The following NET1 variants were observed in gnomAD, a reference collection of about 807,000 sequenced individuals.
NET1 encodes neuroepithelial cell transforming 1.
Under a neutral mutation model 61.1 loss-of-function variants are expected in NET1, and 42 were observed. The observed-to-expected ratio is 0.69, with a 90% CI of 0.54 to 0.89. The LOEUF is 0.89. Among genes scored for constraint, NET1 ranks in the 40% least tolerant of loss-of-function variants. NET1 has a pLI of 0.00. For missense variants in NET1, 654 were observed against 747.3 expected (o/e 0.88, Z 1.46); for synonymous variants, 254 against 281.8 (o/e 0.90, Z 0.99).
chr10:5,451,759 A>T lies in NET1; in HGVS notation c.256-71A>T, dbSNP rs1009283618. On this transcript the variant is annotated intron_variant, in intron 3 of 11. Coordinates refer to ENST00000355029, the MANE Select transcript of NET1 (RefSeq NM_001047160.3). The surrounding 1 kb of genome is among the most constrained non-coding windows in gnomAD (Gnocchi z 6.1). The stretch of plus-strand genomic sequence containing the variant: ...AAAAATTGTTTTGTGAGAGGGCTTT[A>T]CTTTGTCCAAGTTTGTATGAAATCA... 6 of 1,223,432 alleles carry T rather than the reference A, an allele frequency of 4.9e-6. No individual in the cohort carries two copies. The Admixed American group carries it at 6.0e-5, about 12-fold the overall frequency. The allele number at this position is 1,223,432 out of a possible 1,614,324, so 75.8% of individuals were successfully genotyped here. A position where few individuals can be genotyped will look rare whatever the true frequency, so the allele number is the denominator to read the frequency against.
intron 3 of NET1, among the ~76,000 whole-genome samples, chr10:5,434,746 A>C (rs1323131607): frequency 6.8e-6 from 1 of 147,036 alleles, no homozygotes. Context: ...TTTTTCTTTA[A>C]AAGTAAAGAC....
intron 2 of NET1, among the ~76,000 whole-genome samples, chr10:5,428,038 C>CTTTTTTTTTTTTTTT (rs57698527): frequency 8.8e-6 from 1 of 113,904 alleles, no homozygotes; most frequent in African/African-American, 3.4e-5. Flanking sequence ...TTTGCCGTTC[C>CTTTTTTTTTTTTTTT]TTTTTTTTTT....
rs1251439711 is a variant in NET1 at position 5,446,636 on chromosome 10, GGCATGGGCACGTGGCT to G, written c.256-5191_256-5176del. ...AAGCCTCTGCTCCACCGCGGCGAGA[GGCATGGGCACGTGGCT>G]GCCGAGGGTGGCCGAGCTCTGGGAA... On this transcript the variant is annotated intron_variant, in intron 3 of 11. Transcript: ENST00000355029. The surrounding 1 kb of genome is among the most constrained non-coding windows in gnomAD (Gnocchi z 5.0). The G allele has an allele frequency of 7.0e-6, 9 of 1,290,542 alleles. No individual in the cohort carries two copies. The highest frequency in any genetic ancestry group is 3.0e-5 in the African/African-American group (2 of 66,404). 79.9% of individuals were successfully genotyped at this position (1,290,542 alleles called of 1,614,324 possible).
rs1832643426 is a variant in NET1 at position 5,447,945 on chromosome 10, T to C, written c.256-3885T>C. Among the ~76,000 whole-genome samples the C allele has an allele frequency of 6.6e-6, 1 of 152,252 alleles. No individual in the cohort carries two copies. Among genetic ancestry groups the C allele is most frequent in the African/African-American group, 2.4e-5 (1 of 41,468 alleles). ...ATCAGCATGGGCTGTGTTTCTGCCTTACCTTTATTTCTAAGTTACAAGCAC... is the reference window on the plus strand; with the variant it reads ...ATCAGCATGGGCTGTGTTTCTGCCTCACCTTTATTTCTAAGTTACAAGCAC... On this transcript the variant is annotated intron_variant, in intron 3 of 11. Transcript: ENST00000355029. This position sits in a 1 kb window ranked among gnomAD's most constrained non-coding sequence, Gnocchi z 4.1.
chr10:5,447,383 C>G lies in NET1; in HGVS notation c.256-4447C>G, dbSNP rs145158985. Among the ~76,000 whole-genome samples, 22 of 152,284 alleles carry G rather than the reference C, an allele frequency of 1.4e-4. 1 individual carries two copies. In the East Asian group the frequency reaches 3.5e-3, roughly 24 times the overall value. On this transcript the variant is annotated intron_variant, in intron 3 of 11. Coordinates refer to ENST00000355029, the MANE Select transcript of NET1 (RefSeq NM_001047160.3). The surrounding 1 kb of genome is among the most constrained non-coding windows in gnomAD (Gnocchi z 4.1). ...AAACCAGTGACTCATTATTTTTACC[C>G]TCCTTGCTTTGTCTGAGTCTTTTTT... is the stretch of plus-strand genomic sequence containing the variant.
At chr10:5,433,427 G>T (rs920875891) in intron 3 of NET1, among the ~76,000 whole-genome samples, 1 of 152,180 alleles carries the variant, frequency 6.6e-6, no homozygotes, top group Non-Finnish European at 1.5e-5. Flanking sequence ...AAAGCCAAAA[G>T]TATTGACTCT....
Position 5,454,606 on chromosome 10 carries a change from T to TG in NET1, c.1026+84_1026+85insG. On this transcript the variant is annotated intron_variant, in intron 9 of 11. Coordinates refer to ENST00000355029, the MANE Select transcript of NET1 (RefSeq NM_001047160.3). The surrounding 1 kb of genome is among the most constrained non-coding windows in gnomAD (Gnocchi z 8.1). ...GAACGTTATCTTCTGAAGATGCTGATTCACATCAGCATAGTGAATTGTTTT... is the reference window on the plus strand; with the variant it reads ...GAACGTTATCTTCTGAAGATGCTGATGTCACATCAGCATAGTGAATTGTTTT... 16 of 1,461,518 alleles carry TG rather than the reference T, an allele frequency of 1.1e-5. No individual in the cohort carries two copies. Among genetic ancestry groups the TG allele is most frequent in the African/African-American group, 1.4e-5 (1 of 70,800 alleles). 90.5% of individuals were successfully genotyped at this position (1,461,518 alleles called of 1,614,324 possible).
Position 5,421,532 on chromosome 10 carries a change from CA to C in NET1, c.129-5121del, listed in dbSNP as rs1266139571. ...GGTATAGCCTTAAATCAATTCTTGACAACCCAGGATCTTTATTATTAGTAGT... is the reference window on the plus strand; with the variant it reads ...GGTATAGCCTTAAATCAATTCTTGACACCCAGGATCTTTATTATTAGTAGT... On this transcript the variant is annotated intron_variant, in intron 1 of 11. Transcript: ENST00000355029. This position sits in a 1 kb window ranked among gnomAD's most constrained non-coding sequence, Gnocchi z 4.2. Among the ~76,000 whole-genome samples the C allele has an allele frequency of 6.6e-6, 1 of 152,182 alleles. No homozygotes were observed. Among genetic ancestry groups the C allele is most frequent in the Non-Finnish European group, 1.5e-5 (1 of 68,028 alleles).
chr10:5,413,052 G>T (rs1396395518), intron 1 of NET1, among the ~76,000 whole-genome samples: 1 of 149,508 alleles, frequency 6.7e-6, no homozygotes, highest in East Asian at 2.0e-4. Flanking sequence ...GGGGGACGGG[G>T]GCCGCTGGAA....
At position 5,452,376 on chromosome 10, in the gene NET1, G is replaced by C. The variant is rs756832701; in HGVS notation, c.382G>C (p.Asp128His). The C allele has an allele frequency of 2.5e-6, 4 of 1,609,038 alleles. No homozygotes were observed. The highest frequency in any genetic ancestry group is 3.4e-6 in the Non-Finnish European group (4 of 1,177,400). ...QTIQSFTLRG[D>H]HRSPASAQKF... Reference sequence around the variant, plus strand: ...TTTTAAGTCATTTACCCTTCGTGGTGACCACAGATCCCCAGCCTCTGCCCA... The same window carrying C: ...TTTTAAGTCATTTACCCTTCGTGGTCACCACAGATCCCCAGCCTCTGCCCA... Residue 128 changes from aspartate to histidine, a missense_variant, in exon 5 of 12, where the codon GAC becomes CAC. By Grantham distance (81) the Asp-to-His change is moderately conservative. Coordinates refer to ENST00000355029, the MANE Select transcript of NET1 (RefSeq NM_001047160.3). This position sits in a 1 kb window ranked among gnomAD's most constrained non-coding sequence, Gnocchi z 4.0.
chr10:5,412,819 A>G lies in NET1; in HGVS notation c.127A>G (p.Arg43Gly), dbSNP rs769935178. The change falls in exon 1 of 12, where the codon AGA (arginine) becomes GGA (glycine). Residue 43 changes from arginine (R) to glycine (G), a missense_variant and splice_region_variant. Arg to Gly is a moderately radical substitution (Grantham distance 125). Transcript: ENST00000355029. The surrounding 1 kb of genome is among the most constrained non-coding windows in gnomAD (Gnocchi z 6.5). ...CACCTCCGGGTCGGAGCTGGACGGG[A>G]GGTGAGTGTGGGGGAGGGGAGGGCC... is the stretch of plus-strand genomic sequence containing the variant. ...ADTSGSELDG[R>G]CSLRRGSSFT... 1.6e-6 allele frequency: 2 copies of G among 1,260,866 alleles called. No homozygotes were observed. The highest frequency in any genetic ancestry group is 1.8e-5 in the African/African-American group (1 of 55,902). The allele number at this position is 1,260,866 out of a possible 1,614,324, so 78.1% of individuals were successfully genotyped here. A position where few individuals can be genotyped will look rare whatever the true frequency, so the allele number is the denominator to read the frequency against.
At chr10:5,419,409 A>G (rs1437586910) in intron 1 of NET1, among the ~76,000 whole-genome samples, 1 of 151,768 alleles carries the variant, frequency 6.6e-6, no homozygotes, top group East Asian at 1.9e-4. Flanking sequence ...ATTTAACGTT[A>G]TTTATTGATA....
At position 5,456,180 on chromosome 10, in the gene NET1, A is replaced by G. The variant is rs540059620; in HGVS notation, c.1291A>G (p.Ile431Val). 10 of 1,614,214 alleles carry G rather than the reference A, an allele frequency of 6.2e-6. No homozygotes were observed. The African/African-American group carries it at 6.7e-5, about 11-fold the overall frequency. The part of the protein sequence containing the change: ...RHSYQVYRQP[I>V]PVQELVLEDL... ...CTCTTACCAGGTTTACCGGCAGCCA[A>G]TCCCAGTCCAAGAGCTAGTCCTAGA... The change falls in exon 11 of 12, where the codon ATC becomes GTC. Residue 431 changes from isoleucine (I) to valine (V), a missense_variant. Ile to Val is a conservative substitution (Grantham distance 29, BLOSUM62 3). Coordinates refer to ENST00000355029, the MANE Select transcript of NET1 (RefSeq NM_001047160.3). The surrounding 1 kb of genome is among the most constrained non-coding windows in gnomAD (Gnocchi z 7.0).
At chr10:5,436,249 T>TATATATATATA (rs1491369503) in intron 3 of NET1, among the ~76,000 whole-genome samples, 64 of 7,038 alleles carry the variant, frequency 9.1e-3, no homozygotes, top group Non-Finnish European at 0.012. Context: ...TATATATATA[T>TATATATATATA]TTTTTTTTTT....
Position 5,456,653 on chromosome 10 carries a change from A to G in NET1, c.1450A>G (p.Asn484Asp), listed in dbSNP as rs1832804693. 6.2e-7 allele frequency: 1 copy of G among 1,613,138 alleles called. No individual in the cohort carries two copies. Among genetic ancestry groups the G allele is most frequent in the South Asian group, 1.1e-5 (1 of 90,958 alleles). ...AGCCCAGTCTCACACTCTGCAAGCC[A>G]ATGACGTGTTCCACAAGCAGCAGTG... ...SPAQSHTLQA[N>D]DVFHKQQWFN... The change falls in exon 12 of 12, where the codon AAT (asparagine) becomes GAT (aspartate). Residue 484 changes from asparagine to aspartate, a missense_variant. Physicochemically the swap from Asn to Asp is conservative, Grantham distance 23. Coordinates refer to ENST00000355029, the MANE Select transcript of NET1 (RefSeq NM_001047160.3). The surrounding 1 kb of genome is among the most constrained non-coding windows in gnomAD (Gnocchi z 7.0).
Position 5,451,167 on chromosome 10 carries a change from T to A in NET1, c.256-663T>A, listed in dbSNP as rs904777789. On this transcript the variant is annotated intron_variant, in intron 3 of 11. Coordinates refer to ENST00000355029, the MANE Select transcript of NET1 (RefSeq NM_001047160.3). This position sits in a 1 kb window ranked among gnomAD's most constrained non-coding sequence, Gnocchi z 6.1. ...CCCATTTTATAGATGAGAAAACTGA[T>A]GCCAAGGGTGTGCCCTAGCAAGTGG... 2.0e-5 allele frequency among the ~76,000 whole-genome samples: 3 copies of A among 152,150 alleles called. No individual in the cohort carries two copies. The highest frequency in any genetic ancestry group is 7.2e-5 in the African/African-American group (3 of 41,432).
At position 5,446,522 on chromosome 10, in the gene NET1, C is replaced by G; in HGVS notation, c.256-5308C>G. The stretch of plus-strand genomic sequence containing the variant: ...CCCAGCTCTCAGTTAACTGAAGTCA[C>G]GTGGTGGTGGACCCCGCCCCCAGGG... On this transcript the variant is annotated intron_variant, in intron 3 of 11. Coordinates refer to ENST00000355029, the MANE Select transcript of NET1 (RefSeq NM_001047160.3). The surrounding 1 kb of genome is among the most constrained non-coding windows in gnomAD (Gnocchi z 5.0). 9.1e-7 allele frequency: 1 copy of G among 1,101,610 alleles called. No individual in the cohort carries two copies. Among genetic ancestry groups the G allele is most frequent in the Non-Finnish European group, 1.1e-6 (1 of 902,454 alleles). The allele number at this position is 1,101,610 out of a possible 1,614,324, so 68.2% of individuals were successfully genotyped here.
Position 5,445,303 on chromosome 10 carries a change from G to A in NET1, c.256-6527G>A, listed in dbSNP as rs142217572. 1.5e-3 allele frequency among the ~76,000 whole-genome samples: 232 copies of A among 152,274 alleles called. 4 individuals are homozygous for A. Among genetic ancestry groups the A allele is most frequent in the East Asian group, 2.5e-3 (13 of 5,188 alleles). The stretch of plus-strand genomic sequence containing the variant: ...CCTCTTCCTGGCATTGTTCCCAGCC[G>A]TGTCTTAGCTTAGAAAACTACCTGA... On this transcript the variant is annotated intron_variant, in intron 3 of 11. Transcript: ENST00000355029.
At chr10:5,448,597 G>T (rs76461381) in intron 3 of NET1, among the ~76,000 whole-genome samples, 1 of 151,422 alleles carries the variant, frequency 6.6e-6, no homozygotes, top group South Asian at 2.1e-4. Flanking sequence ...CTGGTGAAAG[G>T]TTCCCTGCAG....
Sources: allele counts gnomAD v4.1 joint callset (sites outside exome capture counted in the v4.1 genomes callset), GRCh38; gene constraint gnomAD v4.1.1; non-coding constraint Gnocchi (gnomAD v3.1); transcripts MANE v1.5; gene names NCBI Gene and HGNC (gene_info 2026-07-23, HGNC 2026-07-21).